Variants in CDS2 observed in about 807,000 individuals in gnomAD.
The protein encoded by CDS2 is CDP-diacylglycerol synthase 2, also known as phosphatidate cytidylyltransferase 2.
In CDS2, 47 loss-of-function variants were observed where a neutral mutation model predicts 59.0. That is an observed-to-expected ratio of 0.80 (90% CI 0.63 to 1.02). The LOEUF (loss-of-function observed/expected upper bound fraction) is 1.02. Among genes scored for constraint, CDS2 ranks in the 50% least tolerant of loss-of-function variants. The pLI is 0.00. For synonymous variants in CDS2, 207 were observed against 206.4 expected, an observed-to-expected ratio of 1.00 and a Z score of -0.02; for missense variants, 356 against 558.9, an observed-to-expected ratio of 0.64 and a Z score of 3.66.
intron 1 of CDS2, among the ~76,000 whole-genome samples, chr20:5,156,750 C>T (rs2090836445): frequency 6.6e-6 from 1 of 152,148 alleles, no homozygotes; most frequent in Non-Finnish European, 1.5e-5. Flanking sequence ...CTTTGGTCTC[C>T]CTCCATCTCT....
chr20:5,152,299 C>CT (rs1332453202), intron 1 of CDS2, among the ~76,000 whole-genome samples: 1 of 152,016 alleles, frequency 6.6e-6, no homozygotes, highest in Non-Finnish European at 1.5e-5. Flanking sequence ...TGTTTGATAA[C>CT]TTTAAGGATT....
intron 1 of CDS2, among the ~76,000 whole-genome samples, chr20:5,144,446 C>G (rs1373678738): frequency 6.6e-6 from 1 of 152,092 alleles, no homozygotes; most frequent in African/African-American, 2.4e-5. Context: ...ATGAGGTCGC[C>G]TTAGTGTTGG....
chr20:5,183,208 C>T (rs2091043779), intron 7 of CDS2, 65 bp downstream of exon 7: 4 of 1,380,200 alleles, frequency 2.9e-6, no homozygotes, highest in East Asian at 2.3e-5. Context: ...AGATACCCCC[C>T]TCTAAGCCAG....
intron 1 of CDS2, among the ~76,000 whole-genome samples, chr20:5,166,459 G>C (rs2090914466): frequency 6.6e-6 from 1 of 152,012 alleles, no homozygotes; most frequent in Admixed American, 6.6e-5. Context: ...TTGGATTTAG[G>C]GTCTGTAGCT....
chr20:5,152,636 G>A (rs1194246857), intron 1 of CDS2, among the ~76,000 whole-genome samples: 4 of 152,098 alleles, frequency 2.6e-5, no homozygotes, highest in South Asian at 4.2e-4. Flanking sequence ...CCAGCTACTC[G>A]GGAGGCTGAG....
chr20:5,156,725 T>A (rs1470642398), intron 1 of CDS2, among the ~76,000 whole-genome samples: 1 of 152,226 alleles, frequency 6.6e-6, no homozygotes, highest in Non-Finnish European at 1.5e-5. Flanking sequence ...ATCCAGGGGC[T>A]CAAATGTCAC....
At chr20:5,166,910 G>A (rs1568537758) in intron 1 of CDS2, among the ~76,000 whole-genome samples, 1 of 152,176 alleles carries the variant, frequency 6.6e-6, no homozygotes, top group South Asian at 2.1e-4. Flanking sequence ...CCCATGAAGT[G>A]GGGAAGAAAG....
At chr20:5,185,454 T>C (rs1415783879) in intron 8 of CDS2, among the ~76,000 whole-genome samples, 3 of 152,148 alleles carry the variant, frequency 2.0e-5, no homozygotes, top group African/African-American at 7.2e-5. Flanking sequence ...TTTTTACAGA[T>C]TTATATAATC....
intron 1 of CDS2, among the ~76,000 whole-genome samples, chr20:5,155,283 G>T (rs766074598): frequency 1.3e-5 from 2 of 151,858 alleles, no homozygotes; most frequent in African/African-American, 4.8e-5. Flanking sequence ...CACAAATGCC[G>T]GCAAAGCCAG....
intron 7 of CDS2, among the ~76,000 whole-genome samples, chr20:5,183,892 C>T (rs2091048618): frequency 6.6e-6 from 1 of 152,218 alleles, no homozygotes; most frequent in South Asian, 2.1e-4. Flanking sequence ...GGCGCGGTGG[C>T]TCACGCCTGT....
chr20:5,166,869 T>C (rs1050761595), intron 1 of CDS2, among the ~76,000 whole-genome samples: 10 of 152,092 alleles, frequency 6.6e-5, no homozygotes, highest in Non-Finnish European at 1.2e-4. Context: ...GGAGGGGACA[T>C]GAAATGTCGA....
At chr20:5,129,141 G>A (rs1600458776) in intron 1 of CDS2, among the ~76,000 whole-genome samples, 1 of 152,208 alleles carries the variant, frequency 6.6e-6, no homozygotes, top group East Asian at 1.9e-4. Flanking sequence ...TCCACTTGTG[G>A]CGTGTTGTTT....
Position 5,193,752 on chromosome 20 carries a change from C to G in CDS2, c.*3518C>G, listed in dbSNP as rs1184490697. Reference sequence around the variant, plus strand: ...GCTCAGAAAACTGTGAAGCAGGGGTCTTGTTAGTTACAAAGCCAGTCCTAG... The same window carrying G: ...GCTCAGAAAACTGTGAAGCAGGGGTGTTGTTAGTTACAAAGCCAGTCCTAG... On this transcript the variant is annotated 3_prime_UTR_variant, in exon 13 of 13. Coordinates refer to ENST00000460006, the MANE Select transcript of CDS2 (RefSeq NM_003818.4). The G allele has an allele frequency of 6.6e-6, 1 of 152,170 alleles. No homozygotes were observed. The highest frequency in any genetic ancestry group is 2.4e-5 in the African/African-American group (1 of 41,430). 9.4% of individuals were successfully genotyped at this position (152,170 alleles called of 1,614,324 possible).
chr20:5,189,467 G>A (rs977652651), intron 11 of CDS2, among the ~76,000 whole-genome samples: 1 of 152,218 alleles, frequency 6.6e-6, no homozygotes, highest in Non-Finnish European at 1.5e-5. Flanking sequence ...AAGAGGCCAA[G>A]GCGGGAGGAT....
At position 5,190,406 on chromosome 20, in the gene CDS2, A is replaced by G. The variant is rs1186163018; in HGVS notation, c.*172A>G. On this transcript the variant is annotated 3_prime_UTR_variant, in exon 13 of 13. Coordinates refer to ENST00000460006, the MANE Select transcript of CDS2 (RefSeq NM_003818.4). ...TTCAAAAAATCTGTATATACAGTCT[A>G]TGTGTTTAGAATTTGTGTTGTAAGT... 1.3e-4 allele frequency: 65 copies of G among 519,866 alleles called. 1 individual carries two copies. The Admixed American group carries it at 2.0e-3, about 16-fold the overall frequency. 32.2% of individuals were successfully genotyped at this position (519,866 alleles called of 1,614,324 possible).
chr20:5,156,462 A>C (rs1222321044), intron 1 of CDS2, among the ~76,000 whole-genome samples: 1 of 152,060 alleles, frequency 6.6e-6, no homozygotes, highest in African/African-American at 2.4e-5. Flanking sequence ...GTGTTATGGG[A>C]GCTGGTCCAC....
rs2091154321 is a variant in CDS2, at chr20:5,195,969, G to C, written c.*5735G>C. 6.6e-6 allele frequency: 1 copy of C among 152,106 alleles called. No homozygotes were observed. Among genetic ancestry groups the C allele is most frequent in the Non-Finnish European group, 1.5e-5 (1 of 68,044 alleles). The allele number at this position is 152,106 out of a possible 1,614,324, so 9.4% of individuals were successfully genotyped here. A position where few individuals can be genotyped will look rare whatever the true frequency, so the allele number is the denominator to read the frequency against. ...ATGGGGGTGGGGAGTTGGGGCACGT[G>C]TGTGTAAGGGGAGGCTGCCTCACTT... is the stretch of plus-strand genomic sequence containing the variant. On this transcript the variant is annotated 3_prime_UTR_variant, in exon 13 of 13. Transcript: ENST00000460006.
At chr20:5,170,242 C>T (rs550083604) in intron 1 of CDS2, among the ~76,000 whole-genome samples, 55 of 118,026 alleles carry the variant, frequency 4.7e-4, no homozygotes, top group African/African-American at 1.7e-3. Flanking sequence ...ATCTCCCCAC[C>T]TCGCTGTGCC....
At chr20:5,157,623 G>A (rs754657275) in intron 1 of CDS2, among the ~76,000 whole-genome samples, 1 of 152,168 alleles carries the variant, frequency 6.6e-6, no homozygotes, top group African/African-American at 2.4e-5. Flanking sequence ...AGATTATGGC[G>A]CCAGCAGATT....
Sources: gnomAD v4.1 joint callset for allele counts (sites outside exome capture counted in the v4.1 genomes callset) on GRCh38, gnomAD v4.1.1 for gene constraint, MANE v1.5 for transcripts, NCBI Gene and HGNC (gene_info 2026-07-23, HGNC 2026-07-21) for gene names.